CNIH1: variants seen among roughly 807,000 people sequenced by gnomAD.
CNIH1 encodes the protein protein cornichon homolog 1.
A neutral mutation model predicts 20.2 loss-of-function variants in CNIH1; 12 were observed. The ratio of observed to expected loss-of-function variants is 0.59; its 90% CI spans 0.38 to 0.96. CNIH1 has a LOEUF of 0.96. Among genes scored for constraint, CNIH1 ranks in the 40% least tolerant of loss-of-function variants. CNIH1 has a pLI of 0.00. For missense variants in CNIH1, 152 were observed against 178.8 expected, an observed-to-expected ratio of 0.85 and a Z score of 0.85; for synonymous variants, 69 against 63.3, an observed-to-expected ratio of 1.09 and a Z score of -0.43.
chr14:54,433,703 C>A (rs2030993384), intron 2 of CNIH1, among the ~76,000 whole-genome samples: 1 of 152,076 alleles, frequency 6.6e-6, no homozygotes, highest in South Asian at 2.1e-4. Context: ...CCTATTTCAG[C>A]CCTAAAAAGC....
chr14:54,436,072 T>TG, intron 2 of CNIH1: 1 of 702,190 alleles, frequency 1.4e-6, no homozygotes, highest in Non-Finnish European at 2.6e-6. Context: ...TAAAAAGCAG[T>TG]ACACACCTTT....
chr14:54,441,078 T>C (rs1423737698), intron 1 of CNIH1, among the ~76,000 whole-genome samples, 169 bp downstream of exon 1: 2 of 151,032 alleles, frequency 1.3e-5, no homozygotes, highest in African/African-American at 4.9e-5. Flanking sequence ...GCGCCCCGGC[T>C]CCTCCAGTAC....
At chr14:54,427,912 G>A in intron 4 of CNIH1, 71 bp from the exon 5 acceptor site, 2 of 1,440,234 alleles carry the variant, frequency 1.4e-6, no homozygotes, top group Non-Finnish European at 1.9e-6. Context: ...GCATGAGAGA[G>A]TATGCTTTAT....
rs185470829 is a variant in CNIH1 at position 54,424,973 on chromosome 14, C to T, written c.*2841G>A. ...TTCCCATGAAAAATAATTCAAACTT[C>T]AAACAAATTAGCAGTTTGTCCATAG... On this transcript the variant is annotated 3_prime_UTR_variant, in exon 5 of 5. Coordinates refer to ENST00000216416, the MANE Select transcript of CNIH1 (RefSeq NM_005776.3). 201 of 152,252 alleles carry T rather than the reference C, an allele frequency of 1.3e-3. No homozygotes were observed. The highest frequency in any genetic ancestry group is 4.5e-3 in the African/African-American group (189 of 41,562). The allele number at this position is 152,252 out of a possible 1,614,324, so 9.4% of individuals were successfully genotyped here.
intron 1 of CNIH1, among the ~76,000 whole-genome samples, chr14:54,440,802 T>C (rs948260319): frequency 6.6e-6 from 1 of 152,248 alleles, no homozygotes; most frequent in African/African-American, 2.4e-5. Flanking sequence ...AGGTTACATT[T>C]TGGCCACAGT....
intron 1 of CNIH1, among the ~76,000 whole-genome samples, chr14:54,438,073 C>T (rs1026692638): frequency 1.3e-5 from 2 of 151,716 alleles, no homozygotes; most frequent in Non-Finnish European, 2.9e-5. Flanking sequence ...TCCACCTCCT[C>T]GGCTCAAATG....
In CNIH1 at chr14:54,425,739, A is replaced by G. The variant is rs2030815258; in HGVS notation, c.*2075T>C. ...CAAAGATGGGTGAAACTCCCTGTCA[A>G]TCATCTTTGAGGAATCAGCTGAAGA... On this transcript the variant is annotated 3_prime_UTR_variant, in exon 5 of 5. Transcript: ENST00000216416. The G allele has an allele frequency of 6.6e-6, 1 of 152,238 alleles. No individual in the cohort carries two copies. Among genetic ancestry groups the G allele is most frequent in the African/African-American group, 2.4e-5 (1 of 41,468 alleles). The allele number at this position is 152,238 out of a possible 1,614,324, so 9.4% of individuals were successfully genotyped here.
At chr14:54,428,578 T>C (rs553763564) in intron 4 of CNIH1, among the ~76,000 whole-genome samples, 225 of 152,330 alleles carry the variant, frequency 1.5e-3, no homozygotes, top group African/African-American at 5.2e-3. Flanking sequence ...CTGAACATTT[T>C]CCCACAACTG....
At chr14:54,441,157 C>A in intron 1 of CNIH1, 90 bp downstream of exon 1, 4 of 1,314,894 alleles carry the variant, frequency 3.0e-6, no homozygotes, top group Non-Finnish European at 4.0e-6. Context: ...CGCAAAGCCC[C>A]GGCGGCCGTG....
chr14:54,427,807 T>C lies in CNIH1; in HGVS notation c.*7A>G. The C allele has an allele frequency of 1.9e-6, 3 of 1,613,748 alleles. No individual in the cohort carries two copies. Among genetic ancestry groups the C allele is most frequent in the East Asian group, 2.2e-5 (1 of 44,862 alleles). ...ACTTAACTGGACCAATTCTTCTGTG[T>C]GTTGTTCTAAGAGCTCACCAAAACA... On this transcript the variant is annotated 3_prime_UTR_variant, in exon 5 of 5. Transcript: ENST00000216416.
chr14:54,440,754 C>G (rs77062176), intron 1 of CNIH1, among the ~76,000 whole-genome samples: 19,256 of 152,262 alleles, frequency 0.13, 1,330 homozygotes, highest in Non-Finnish European at 0.15. Context: ...GAGCACCGAA[C>G]AAGTGCTGAA....
intron 4 of CNIH1, among the ~76,000 whole-genome samples, chr14:54,429,776 G>A (rs949870253): frequency 4.6e-5 from 7 of 151,754 alleles, no homozygotes; most frequent in African/African-American, 1.7e-4. Flanking sequence ...AACAAAAATC[G>A]GAAACTGCAC....
Position 54,441,248 on chromosome 14 carries a change from T to A in CNIH1, c.80A>T (p.His27Leu), listed in dbSNP as rs2031168612. 6.6e-7 allele frequency: 1 copy of A among 1,513,436 alleles called. No individual in the cohort carries two copies. Among genetic ancestry groups the A allele is most frequent in the Non-Finnish European group, 8.9e-7 (1 of 1,128,716 alleles). 93.8% of individuals were successfully genotyped at this position (1,513,436 alleles called of 1,614,324 possible). The change falls in exon 1 of 5, where the codon CAC (histidine) becomes CTC (leucine). Residue 27 changes from histidine (H) to leucine (L), a missense_variant and splice_region_variant. His to Leu is a moderately conservative substitution (Grantham distance 99). Transcript: ENST00000216416. ...CTTTCCCCAGCCCCAGCTACTCACG[T>A]GCCAAATGGCGAAGAAGATGAGCGC... The part of the protein sequence containing the change: ...TAALIFFAIW[H>L]IIAFDELKTD...
intron 3 of CNIH1, among the ~76,000 whole-genome samples, chr14:54,431,644 G>A (rs75899441): frequency 0.033 from 5,092 of 152,208 alleles, 179 homozygotes; most frequent in East Asian, 0.098. Flanking sequence ...CATAAACACA[G>A]AAAGAAATTA....
rs1566716091 is a variant in CNIH1, at chr14:54,430,244, T to C, written c.407+17A>G. 2 of 1,612,544 alleles carry C rather than the reference T, an allele frequency of 1.2e-6. No homozygotes were observed. The highest frequency in any genetic ancestry group is 1.3e-5 in the African/African-American group (1 of 74,904). On this transcript the variant is annotated intron_variant, in intron 4 of 4. Transcript: ENST00000216416. ...CAGCAAAGTGAAAGCATATTTCATTTTACCTTTTCAACTTACCCATATAGG... is the reference window on the plus strand; with the variant it reads ...CAGCAAAGTGAAAGCATATTTCATTCTACCTTTTCAACTTACCCATATAGG...
At chr14:54,440,022 C>T (rs1423215654) in intron 1 of CNIH1, among the ~76,000 whole-genome samples, 1 of 152,200 alleles carries the variant, frequency 6.6e-6, no homozygotes, top group African/African-American at 2.4e-5. Flanking sequence ...TAATAGCCTA[C>T]ATAAGTATTC....
chr14:54,439,570 T>TTC (rs1174600981), intron 1 of CNIH1, among the ~76,000 whole-genome samples: 5 of 151,708 alleles, frequency 3.3e-5, no homozygotes, highest in African/African-American at 1.2e-4. Context: ...TTGTTTTTTT[T>TTC]TTGAGACGGA....
intron 3 of CNIH1, among the ~76,000 whole-genome samples, chr14:54,430,743 A>C (rs986417094): frequency 6.6e-6 from 1 of 152,172 alleles, no homozygotes; most frequent in Non-Finnish European, 1.5e-5. Flanking sequence ...TTTCACCCAG[A>C]TATTCCAAAT....
At position 54,426,087 on chromosome 14, in the gene CNIH1, A is replaced by G. The variant is rs1442255409; in HGVS notation, c.*1727T>C. Reference sequence around the variant, plus strand: ...CTGAATGACTGCCTGTGCTCAAAGCATGAATCTTGAGAGCCCAGCAAGTAC... The same window carrying G: ...CTGAATGACTGCCTGTGCTCAAAGCGTGAATCTTGAGAGCCCAGCAAGTAC... On this transcript the variant is annotated 3_prime_UTR_variant, in exon 5 of 5. Coordinates refer to ENST00000216416, the MANE Select transcript of CNIH1 (RefSeq NM_005776.3). The G allele has an allele frequency of 1.3e-5, 2 of 152,238 alleles. No individual in the cohort carries two copies. The highest frequency in any genetic ancestry group is 2.9e-5 in the Non-Finnish European group (2 of 68,036). The allele number at this position is 152,238 out of a possible 1,614,324, so 9.4% of individuals were successfully genotyped here. A position where few individuals can be genotyped will look rare whatever the true frequency, so the allele number is the denominator to read the frequency against.
Sources: gnomAD v4.1 joint callset for allele counts (sites outside exome capture counted in the v4.1 genomes callset) on GRCh38, gnomAD v4.1.1 for gene constraint, MANE v1.5 for transcripts, NCBI Gene and HGNC (gene_info 2026-07-23, HGNC 2026-07-21) for gene names.